The following CCDC6 variants were observed in gnomAD, a reference collection of about 807,000 sequenced individuals.
CCDC6 encodes coiled-coil domain containing 6, also known as coiled-coil domain-containing protein 6.
Under a neutral mutation model 56.6 loss-of-function variants are expected in CCDC6, and 20 were observed. That is an observed-to-expected ratio of 0.35 (90% CI 0.25 to 0.51). The LOEUF (loss-of-function observed/expected upper bound fraction) is 0.51, where lower values mean the gene tolerates loss of function less well. Ranked by LOEUF, CCDC6 falls within the 20% of genes least tolerant of loss-of-function variation. The pLI, the probability that CCDC6 is intolerant of heterozygous loss-of-function variation, is 0.95. For missense variants in CCDC6, 367 were observed against 601.1 expected, an observed-to-expected ratio of 0.61 and a Z score of 4.07; for synonymous variants, 241 against 234.4, an observed-to-expected ratio of 1.03 and a Z score of -0.26.
intron 2 of CCDC6, among the ~76,000 whole-genome samples, chr10:59,848,271 T>C (rs1341325393): frequency 6.6e-6 from 1 of 152,232 alleles, no homozygotes; most frequent in African/African-American, 2.4e-5. Context: ...TTTATTTTAA[T>C]GTGTAACATT....
intron 2 of CCDC6, among the ~76,000 whole-genome samples, chr10:59,834,376 T>TACAAACAA (rs1008473214): frequency 6.6e-6 from 1 of 150,508 alleles, no homozygotes; most frequent in Non-Finnish European, 1.5e-5. Context: ...CTACTAAAAA[T>TACAAACAA]ACAAACAAAC....
rs149983388 is a variant in CCDC6, at chr10:59,850,527, C to A, written c.453+2026G>T. Among the ~76,000 whole-genome samples the A allele has an allele frequency of 3.9e-5, 6 of 152,272 alleles. No individual in the cohort carries two copies. In the East Asian group the frequency reaches 1.2e-3, roughly 29 times the overall value. The stretch of plus-strand genomic sequence containing the variant: ...ACAGAATCACACCTTCATACTACGC[C>A]CTTTCTTTTGGCTGAGGGCAAACAT... On this transcript the variant is annotated intron_variant, in intron 2 of 8. Coordinates refer to ENST00000263102, the MANE Select transcript of CCDC6 (RefSeq NM_005436.5).
chr10:59,827,806 AGGGG>A (rs773825974), intron 3 of CCDC6, among the ~76,000 whole-genome samples: 1 of 152,218 alleles, frequency 6.6e-6, no homozygotes, highest in Non-Finnish European at 1.5e-5. Context: ...GGAAAAAGTA[AGGGG>A]TCTGGTACAT....
chr10:59,844,426 TA>T (rs55710616), intron 2 of CCDC6, among the ~76,000 whole-genome samples: 258 of 139,146 alleles, frequency 1.9e-3, no homozygotes, highest in Admixed American at 2.8e-3. Flanking sequence ...GGAGGAATAT[TA>T]AAAAAAAAAA....
At chr10:59,865,852 C>CAAAAAAAAAAAA (rs777021321) in intron 1 of CCDC6, among the ~76,000 whole-genome samples, 46 of 57,018 alleles carry the variant, frequency 8.1e-4, no homozygotes, top group Non-Finnish European at 1.0e-3. Context: ...TCCATCTCCA[C>CAAAAAAAAAAAA]AAAAAAAAAA....
intron 3 of CCDC6, among the ~76,000 whole-genome samples, chr10:59,822,074 G>T (rs1437236248): frequency 6.6e-6 from 1 of 152,164 alleles, no homozygotes; most frequent in Non-Finnish European, 1.5e-5. Flanking sequence ...AAGAATAAAT[G>T]ACAGTGAAAG....
intron 1 of CCDC6, among the ~76,000 whole-genome samples, chr10:59,866,178 A>G (rs1318955954): frequency 2.0e-5 from 3 of 152,250 alleles, no homozygotes; most frequent in East Asian, 1.9e-4. Flanking sequence ...TACGACAGAC[A>G]CTGTCCCCAC....
At chr10:59,804,609 C>T in intron 6 of CCDC6, 89 bp from the exon 7 acceptor site, 2 of 759,550 alleles carry the variant, frequency 2.6e-6, no homozygotes, top group Non-Finnish European at 4.7e-6. Flanking sequence ...GGGGTTCACA[C>T]CTTGAGGTCA....
chr10:59,850,307 T>C (rs898017728), intron 2 of CCDC6, among the ~76,000 whole-genome samples: 2 of 152,074 alleles, frequency 1.3e-5, no homozygotes, highest in Admixed American at 6.6e-5. Context: ...CGCCACCAAA[T>C]TGTACACTCA....
intron 1 of CCDC6, among the ~76,000 whole-genome samples, chr10:59,872,788 G>C (rs906380644): frequency 1.9e-4 from 8 of 41,414 alleles, no homozygotes; most frequent in Non-Finnish European, 3.3e-4. Flanking sequence ...ATGGGGGGGT[G>C]GGGGAAGGTA....
chr10:59,820,944 T>C (rs1001434666), intron 3 of CCDC6, among the ~76,000 whole-genome samples: 1 of 151,888 alleles, frequency 6.6e-6, no homozygotes, highest in South Asian at 2.1e-4. Context: ...CCAAAGCCTT[T>C]CAGCTTAGGT....
At chr10:59,820,562 C>A (rs1042074851) in intron 3 of CCDC6, among the ~76,000 whole-genome samples, 2 of 152,032 alleles carry the variant, frequency 1.3e-5, no homozygotes, top group Non-Finnish European at 2.9e-5. Context: ...GCCTGGGAAA[C>A]AGAGTGAGAT....
At chr10:59,845,600 A>C (rs2070985040) in intron 2 of CCDC6, among the ~76,000 whole-genome samples, 1 of 152,204 alleles carries the variant, frequency 6.6e-6, no homozygotes. Flanking sequence ...AAAACAACTC[A>C]GTAGCTCTTT....
chr10:59,835,140 T>C (rs769134230), intron 2 of CCDC6, among the ~76,000 whole-genome samples: 182 of 152,396 alleles, frequency 1.2e-3, no homozygotes, highest in Non-Finnish European at 1.7e-3. Context: ...AGCTATGTTT[T>C]CCTCCAATAT....
At chr10:59,863,809 A>G (rs1243081794) in intron 1 of CCDC6, among the ~76,000 whole-genome samples, 5 of 152,212 alleles carry the variant, frequency 3.3e-5, no homozygotes, top group Non-Finnish European at 4.4e-5. Flanking sequence ...AGACTTAAAT[A>G]TATGACATAA....
chr10:59,844,761 A>AG (rs1554884862), intron 2 of CCDC6, among the ~76,000 whole-genome samples: 33,992 of 102,190 alleles, frequency 0.33, 4,152 homozygotes, highest in African/African-American at 0.45. Flanking sequence ...AAAAAAAAAA[A>AG]AAGAGAGAGA....
chr10:59,885,080 AGAAAG>A, intron 1 of CCDC6, among the ~76,000 whole-genome samples: 1 of 139,254 alleles, frequency 7.2e-6, no homozygotes, highest in East Asian at 2.2e-4. Flanking sequence ...AACAACAGAA[AGAAAG>A]GAAAGAAAGG....
At chr10:59,801,931 G>A (rs1188424471) in intron 7 of CCDC6, among the ~76,000 whole-genome samples, 1 of 152,080 alleles carries the variant, frequency 6.6e-6, no homozygotes, top group East Asian at 1.9e-4. Flanking sequence ...TACATTCAGT[G>A]CCCCAGCTCT....
chr10:59,839,912 G>A (rs1028925604), intron 2 of CCDC6, among the ~76,000 whole-genome samples: 16 of 152,072 alleles, frequency 1.1e-4, no homozygotes, highest in Non-Finnish European at 2.2e-4. Flanking sequence ...TACAACCTCC[G>A]ACTCCCTGGT....
Sources: gnomAD v4.1 joint callset for allele counts (sites outside exome capture counted in the v4.1 genomes callset) on GRCh38, gnomAD v4.1.1 for gene constraint, MANE v1.5 for transcripts, NCBI Gene and HGNC (gene_info 2026-07-23, HGNC 2026-07-21) for gene names.